The following MILR1 variants were observed in gnomAD, a reference collection of about 807,000 sequenced individuals.
The protein encoded by MILR1 is allergin-1.
A neutral mutation model predicts 18.5 loss-of-function variants in MILR1; 31 were observed. The ratio of observed to expected loss-of-function variants is 1.68; its 90% confidence interval spans 1.26 to 2.26. The LOEUF (loss-of-function observed/expected upper bound fraction) is 2.26. Ranked by LOEUF, MILR1 falls within the 30% of genes most tolerant of loss-of-function variation. The pLI, the probability that MILR1 is intolerant of heterozygous loss-of-function variation, is 0.00. For synonymous variants in MILR1, 85 were observed against 56.2 expected (o/e 1.51, Z -2.30); for missense variants, 257 against 157.4 (o/e 1.63, Z -3.38).
the MILR1 span, chr17:64,491,105 CAAATTTT>C: frequency 1.4e-6 from 1 of 718,612 alleles, no homozygotes; most frequent in Non-Finnish European, 2.4e-6. Context: ...GTCCCGAATA[CAAATTTT>C]AAAGTTTATT....
intron 3 of MILR1, among the ~76,000 whole-genome samples, chr17:64,455,132 A>G (rs1461421870): frequency 2.1e-4 from 32 of 152,248 alleles, no homozygotes; most frequent in African/African-American, 7.5e-4. Context: ...GGGCAGGAAC[A>G]CAGCTGATGG....
At chr17:64,454,198 G>C (rs1341664563) in intron 3 of MILR1, among the ~76,000 whole-genome samples, 1 of 150,306 alleles carries the variant, frequency 6.7e-6, no homozygotes, top group Non-Finnish European at 1.5e-5. Flanking sequence ...CAAAGTGCTG[G>C]GATTACAGGC....
intron 2 of MILR1, among the ~76,000 whole-genome samples, chr17:64,452,109 T>C (rs2144004321): frequency 6.6e-6 from 1 of 151,072 alleles, no homozygotes; most frequent in African/African-American, 2.4e-5. Flanking sequence ...TTCTGTTTTG[T>C]TTTTTAAAAA....
chr17:64,452,480 T>C, intron 2 of MILR1, 117 bp from the exon 3 acceptor site: 1 of 403,612 alleles, frequency 2.5e-6, no homozygotes, highest in Non-Finnish European at 4.5e-6. Context: ...ATCAAACTCA[T>C]GGCCTCAAGT....
At chr17:64,474,867 G>C in the MILR1 span, among the ~76,000 whole-genome samples, 2 of 151,814 alleles carry the variant, frequency 1.3e-5, no homozygotes, top group Non-Finnish European at 2.9e-5. Context: ...TTATTAGAAG[G>C]AAATTATCAA....
intron 4 of MILR1, 48 bp from the exon 5 acceptor site, chr17:64,460,774 T>C (rs2037413590): frequency 4.2e-6 from 2 of 471,724 alleles, no homozygotes; most frequent in Non-Finnish European, 7.8e-6. Context: ...CTTAATGTCA[T>C]TGGAAAAGAA....
At chr17:64,462,643 C>CTTT (rs1326810820) in intron 5 of MILR1, among the ~76,000 whole-genome samples, 1 of 142,456 alleles carries the variant, frequency 7.0e-6, no homozygotes, top group Non-Finnish European at 1.5e-5. Context: ...CCCACAATTA[C>CTTT]TTTTTTTTTT....
chr17:64,494,445 T>C, the MILR1 span, among the ~76,000 whole-genome samples: 3 of 152,164 alleles, frequency 2.0e-5, no homozygotes, highest in African/African-American at 4.8e-5. Flanking sequence ...TATTTTAGAA[T>C]CCATTGATGA....
chr17:64,473,600 T>C (rs2037725049), downstream of MILR1, among the ~76,000 whole-genome samples: 1 of 151,958 alleles, frequency 6.6e-6, no homozygotes, highest in South Asian at 2.1e-4. Flanking sequence ...GTTAGAAAAA[T>C]TAGACACCTA....
At chr17:64,477,918 G>A in the MILR1 span, 2 of 1,613,866 alleles carry the variant, frequency 1.2e-6, no homozygotes, top group Non-Finnish European at 8.5e-7. Context: ...CTGCTTCTCA[G>A]ATGTATTAAT....
chr17:64,496,841 T>C, the MILR1 span: 1 of 1,613,850 alleles, frequency 6.2e-7, no homozygotes, highest in Non-Finnish European at 8.5e-7. Flanking sequence ...CGACTTCACA[T>C]GCCCTCCTTT....
intron 6 of MILR1, 83 bp downstream of exon 6, chr17:64,465,624 T>A: frequency 6.9e-6 from 10 of 1,441,686 alleles, no homozygotes; most frequent in Non-Finnish European, 9.5e-6. Flanking sequence ...CATACGGGAG[T>A]GGGGGGTGGA....
chr17:64,467,281 T>A (rs2037594313), intron 8 of MILR1, among the ~76,000 whole-genome samples: 1 of 151,694 alleles, frequency 6.6e-6, no homozygotes, highest in Admixed American at 6.6e-5. Context: ...AATTTTTTTT[T>A]TTTTTTTGGA....
At chr17:64,458,750 C>T (rs1023274662) in intron 4 of MILR1, among the ~76,000 whole-genome samples, 1 of 152,020 alleles carries the variant, frequency 6.6e-6, no homozygotes, top group South Asian at 2.1e-4. Flanking sequence ...TCCCACTTTT[C>T]TGCTCCACAC....
intron 3 of MILR1, among the ~76,000 whole-genome samples, chr17:64,454,638 TA>T (rs1417651572): frequency 1.3e-5 from 2 of 152,194 alleles, no homozygotes; most frequent in Non-Finnish European, 2.9e-5. Context: ...GAAATGCTCA[TA>T]AAACTACGTA....
At chr17:64,454,530 G>T (rs2037247623) in intron 3 of MILR1, among the ~76,000 whole-genome samples, 1 of 152,200 alleles carries the variant, frequency 6.6e-6, no homozygotes, top group Non-Finnish European at 1.5e-5. Flanking sequence ...ATCACAGAAA[G>T]TTCTACTGGG....
Position 64,466,511 on chromosome 17 carries a change from T to C in MILR1, c.910+13T>C, listed in dbSNP as rs370286052. 3.3e-5 allele frequency: 53 copies of C among 1,613,346 alleles called. No individual in the cohort carries two copies. The highest frequency in any genetic ancestry group is 4.4e-5 in the Non-Finnish European group (52 of 1,179,524). ...ACAGCCCAAGATGGTGAGCATGTTC[T>C]GCAGAGTCTATTCCACTGCCCTCAT... On this transcript the variant is annotated intron_variant, in intron 7 of 9. Coordinates refer to ENST00000619286, the MANE Select transcript of MILR1 (RefSeq NM_001085423.2).
chr17:64,477,967 G>A, the MILR1 span: 2 of 1,613,836 alleles, frequency 1.2e-6, no homozygotes, highest in South Asian at 2.2e-5. Context: ...AAACTGTGAA[G>A]AGAATACTCA....
the MILR1 span, chr17:64,493,062 C>T: frequency 6.2e-7 from 1 of 1,609,092 alleles, no homozygotes; most frequent in African/African-American, 1.3e-5. Context: ...ATCTAGTCCA[C>T]AAACCCAAAT....
Sources: allele counts gnomAD v4.1 joint callset (sites outside exome capture counted in the v4.1 genomes callset), GRCh38; gene constraint gnomAD v4.1.1; transcripts MANE v1.5; gene names NCBI Gene and HGNC (gene_info 2026-07-23, HGNC 2026-07-21).